SPRYD4: variants seen among roughly 807,000 people sequenced by gnomAD.
SPRYD4 encodes SPRY domain containing 4.
SPRYD4 carries 12 observed loss-of-function variants against 16.6 expected under a neutral mutation model. That is an observed-to-expected ratio of 0.72 (90% CI 0.46 to 1.17). The LOEUF (loss-of-function observed/expected upper bound fraction) is 1.17, where lower values mean the gene tolerates loss of function less well. Ranked by LOEUF, SPRYD4 falls within the 50% of genes most tolerant of loss-of-function variation. The pLI, the probability that SPRYD4 is intolerant of heterozygous loss-of-function variation, is 0.00. For missense variants in SPRYD4, 260 were observed against 260.2 expected, an observed-to-expected ratio of 1.00 and a Z score of 0.00; for synonymous variants, 98 against 105.4, an observed-to-expected ratio of 0.93 and a Z score of 0.43.
Position 56,475,810 on chromosome 12 carries a change from C to T in SPRYD4, c.*6233C>T. On this transcript the variant is annotated 3_prime_UTR_variant, in exon 2 of 2. Coordinates refer to ENST00000338146, the MANE Select transcript of SPRYD4 (RefSeq NM_207344.4). ...TTTCCTCTCTGAGGCCAGCAGATTT[C>T]CACATTTCTGGAAATAAGGCTTCTA... The T allele has an allele frequency of 1.4e-6, 2 of 1,408,532 alleles. No individual in the cohort carries two copies. Among genetic ancestry groups the T allele is most frequent in the Non-Finnish European group, 2.0e-6 (2 of 998,072 alleles). The allele number at this position is 1,408,532 out of a possible 1,614,324, so 87.3% of individuals were successfully genotyped here. A position where few individuals can be genotyped will look rare whatever the true frequency, so the allele number is the denominator to read the frequency against.
In SPRYD4 at chr12:56,475,650, A is replaced by G. The variant is rs756711965; in HGVS notation, c.*6073A>G. The G allele has an allele frequency of 2.6e-5, 42 of 1,614,070 alleles. No individual in the cohort carries two copies. The Middle Eastern group carries it at 6.6e-4, about 25-fold the overall frequency. On this transcript the variant is annotated 3_prime_UTR_variant, in exon 2 of 2. Transcript: ENST00000338146. ...TGGCATTGCTGAAACCCATGTATTC[A>G]TTCCCAGCCATTTTGTTGAGATACT...
intron 1 of SPRYD4, 107 bp from the exon 2 acceptor site, chr12:56,468,932 T>C: frequency 7.2e-7 from 1 of 1,392,034 alleles, no homozygotes; most frequent in Non-Finnish European, 9.7e-7. Context: ...ATTCTGACTC[T>C]TCCCTAGTTG....
chr12:56,468,902 G>A (rs1202756516), intron 1 of SPRYD4, 137 bp from the exon 2 acceptor site: 2 of 1,220,138 alleles, frequency 1.6e-6, no homozygotes, highest in Non-Finnish European at 2.2e-6. Context: ...GCGACCTCGC[G>A]ACTCTCTTGC....
rs1233807353 is a variant in SPRYD4, at chr12:56,479,475, A to T, written c.*9898A>T. 7.8e-6 allele frequency: 3 copies of T among 385,016 alleles called. No homozygotes were observed. The highest frequency in any genetic ancestry group is 6.2e-5 in the African/African-American group (3 of 48,486). 23.8% of individuals were successfully genotyped at this position (385,016 alleles called of 1,614,324 possible). On this transcript the variant is annotated 3_prime_UTR_variant, in exon 2 of 2. Coordinates refer to ENST00000338146, the MANE Select transcript of SPRYD4 (RefSeq NM_207344.4). ...TATTTAAAAAATCCTAAATCATAAA[A>T]GTATATTTATATATATTCATGTATG...
At position 56,469,173 on chromosome 12, in the gene SPRYD4, T is replaced by C; in HGVS notation, c.220T>C (p.Trp74Arg). 6.2e-7 allele frequency: 1 copy of C among 1,613,360 alleles called. No homozygotes were observed. The highest frequency in any genetic ancestry group is 8.5e-7 in the Non-Finnish European group (1 of 1,179,868). Reference sequence around the variant, plus strand: ...CTTGAATGTGGAGCGCTTCCGGGAGTGGGCAGTGGTGCTGGCAGACACAGC... The same window carrying C: ...CTTGAATGTGGAGCGCTTCCGGGAGCGGGCAGTGGTGCTGGCAGACACAGC... Reference protein sequence around the residue: ...VALNVERFREWAVVLADTAVT... With the variant: ...VALNVERFRERAVVLADTAVT... The change falls in exon 2 of 2, where the codon TGG (tryptophan) becomes CGG (arginine). Residue 74 changes from tryptophan (W) to arginine (R), a missense_variant. Trp to Arg is a moderately radical substitution (Grantham distance 101). Transcript: ENST00000338146.
Position 56,469,789 on chromosome 12 carries a change from C to G in SPRYD4, c.*212C>G. The G allele has an allele frequency of 1.7e-6, 1 of 580,416 alleles. No individual in the cohort carries two copies. The allele number at this position is 580,416 out of a possible 1,614,324, so 36.0% of individuals were successfully genotyped here. ...CTTTTCCCCACCCACCAACTACTGC[C>G]AATTTCCTAGGCTACCATGGGTGTA... On this transcript the variant is annotated 3_prime_UTR_variant, in exon 2 of 2. Coordinates refer to ENST00000338146, the MANE Select transcript of SPRYD4 (RefSeq NM_207344.4).
Position 56,478,307 on chromosome 12 carries a change from A to T in SPRYD4, c.*8730A>T, listed in dbSNP as rs372998043. On this transcript the variant is annotated 3_prime_UTR_variant, in exon 2 of 2. Coordinates refer to ENST00000338146, the MANE Select transcript of SPRYD4 (RefSeq NM_207344.4). ...GAAAAGGGAGATGGATGTGGAGAAGAGGAACAGAGTTGAGGTTGAGGGTCA... is the reference window on the plus strand; with the variant it reads ...GAAAAGGGAGATGGATGTGGAGAAGTGGAACAGAGTTGAGGTTGAGGGTCA... 1.1e-5 allele frequency: 17 copies of T among 1,587,462 alleles called. No individual in the cohort carries two copies. Among genetic ancestry groups the T allele is most frequent in the Non-Finnish European group, 1.4e-5 (16 of 1,156,060 alleles).
Position 56,474,354 on chromosome 12 carries a change from C to T in SPRYD4, c.*4777C>T. 1 of 680,178 alleles carries T rather than the reference C, an allele frequency of 1.5e-6. No individual in the cohort carries two copies. The highest frequency in any genetic ancestry group is 2.4e-6 in the Non-Finnish European group (1 of 411,086). The allele number at this position is 680,178 out of a possible 1,614,324, so 42.1% of individuals were successfully genotyped here. On this transcript the variant is annotated 3_prime_UTR_variant, in exon 2 of 2. Transcript: ENST00000338146. ...TCCACCTGCCTCGGCCTCCCAAAGA[C>T]ATCTCTTTATATATTCGAGGAACTT...
rs756255446 is a variant in SPRYD4, at chr12:56,474,497, C to G, written c.*4920C>G. 6.2e-7 allele frequency: 1 copy of G among 1,608,704 alleles called. No individual in the cohort carries two copies. The highest frequency in any genetic ancestry group is 8.5e-7 in the Non-Finnish European group (1 of 1,178,394). The stretch of plus-strand genomic sequence containing the variant: ...CTTGAGAGAGTCAGTGTTCTCTCTT[C>G]TTAGCACTGGGCTCATGACAGATGG... On this transcript the variant is annotated 3_prime_UTR_variant, in exon 2 of 2. Coordinates refer to ENST00000338146, the MANE Select transcript of SPRYD4 (RefSeq NM_207344.4).
In SPRYD4 at chr12:56,469,161, C is replaced by T; in HGVS notation, c.208C>T (p.Arg70Cys). The change falls in exon 2 of 2, where the codon CGC becomes TGC. Residue 70 changes from arginine to cysteine, a missense_variant. Physicochemically the swap from Arg to Cys is radical, Grantham distance 180. Transcript: ENST00000338146. ...EPTKVALNVE[R>C]FREWAVVLAD... ...CACCAAGGTGGCCTTGAATGTGGAG[C>T]GCTTCCGGGAGTGGGCAGTGGTGCT... 6.2e-7 allele frequency: 1 copy of T among 1,614,080 alleles called. No homozygotes were observed. Among genetic ancestry groups the T allele is most frequent in the Non-Finnish European group, 8.5e-7 (1 of 1,180,028 alleles).
In SPRYD4 at chr12:56,471,871, C is replaced by T; in HGVS notation, c.*2294C>T. 1 of 1,605,446 alleles carries T rather than the reference C, an allele frequency of 6.2e-7. No homozygotes were observed. The highest frequency in any genetic ancestry group is 1.1e-5 in the South Asian group (1 of 90,690). ...TGGGCAGAAGGAAAATGAGAAGGCG[C>T]AGGTCTTGAACCCTTTGGTGCAGAC... On this transcript the variant is annotated 3_prime_UTR_variant, in exon 2 of 2. Coordinates refer to ENST00000338146, the MANE Select transcript of SPRYD4 (RefSeq NM_207344.4).
At position 56,478,751 on chromosome 12, in the gene SPRYD4, G is replaced by C. The variant is rs980338749; in HGVS notation, c.*9174G>C. ...CTCATGCCTGTAATCCCAGCACTTT[G>C]GGAGGCCGAGGTGGGTGGATCACTT... is the stretch of plus-strand genomic sequence containing the variant. On this transcript the variant is annotated 3_prime_UTR_variant, in exon 2 of 2. Coordinates refer to ENST00000338146, the MANE Select transcript of SPRYD4 (RefSeq NM_207344.4). The C allele has an allele frequency of 8.3e-5, 24 of 290,674 alleles. No individual in the cohort carries two copies. Among genetic ancestry groups the C allele is most frequent in the Non-Finnish European group, 1.4e-4 (22 of 153,850 alleles). 18.0% of individuals were successfully genotyped at this position (290,674 alleles called of 1,614,324 possible).
Position 56,474,730 on chromosome 12 carries a change from C to G in SPRYD4, c.*5153C>G. The G allele has an allele frequency of 6.2e-7, 1 of 1,608,016 alleles. No homozygotes were observed. The highest frequency in any genetic ancestry group is 8.5e-7 in the Non-Finnish European group (1 of 1,176,146). On this transcript the variant is annotated 3_prime_UTR_variant, in exon 2 of 2. Transcript: ENST00000338146. Reference sequence around the variant, plus strand: ...CCTCCACAGAACACAGCTATGAAAACAAAGAATAGGTGAAGATGTGACGTG... The same window carrying G: ...CCTCCACAGAACACAGCTATGAAAAGAAAGAATAGGTGAAGATGTGACGTG...
In SPRYD4 at chr12:56,470,171, C is replaced by G. The variant is rs574511029; in HGVS notation, c.*594C>G. On this transcript the variant is annotated 3_prime_UTR_variant, in exon 2 of 2. Coordinates refer to ENST00000338146, the MANE Select transcript of SPRYD4 (RefSeq NM_207344.4). ...TAGCTCAGTGCCACAGACCTTCAGC[C>G]CCACACAGCTGTAGCTATCCTTACC... 2 of 156,348 alleles carry G rather than the reference C, an allele frequency of 1.3e-5. No individual in the cohort carries two copies. Among genetic ancestry groups the G allele is most frequent in the East Asian group, 3.8e-4 (2 of 5,258 alleles). 9.7% of individuals were successfully genotyped at this position (156,348 alleles called of 1,614,324 possible). A position where few individuals can be genotyped will look rare whatever the true frequency, so the allele number is the denominator to read the frequency against.
At position 56,478,174 on chromosome 12, in the gene SPRYD4, G is replaced by A. The variant is rs1246317027; in HGVS notation, c.*8597G>A. On this transcript the variant is annotated 3_prime_UTR_variant, in exon 2 of 2. Coordinates refer to ENST00000338146, the MANE Select transcript of SPRYD4 (RefSeq NM_207344.4). ...CCCTGCCTCCCCTTCCTCTTGCCCA[G>A]CATCTCACCGTTGACCATCCACAGT... 3.7e-6 allele frequency: 6 copies of A among 1,614,100 alleles called. No individual in the cohort carries two copies. Among genetic ancestry groups the A allele is most frequent in the Non-Finnish European group, 4.2e-6 (5 of 1,180,044 alleles).
rs1869568939 is a variant in SPRYD4, at chr12:56,474,114, TG to T, written c.*4539del. ...TTTCTTTTTTTCTTTTTTTTTGAGA[TG>T]GAGTTTTGCTCTTGTTGCCCAGGCT... On this transcript the variant is annotated 3_prime_UTR_variant, in exon 2 of 2. Transcript: ENST00000338146. The T allele has an allele frequency of 6.2e-6, 1 of 160,242 alleles. No homozygotes were observed. Among genetic ancestry groups the T allele is most frequent in the East Asian group, 1.9e-4 (1 of 5,366 alleles). The allele number at this position is 160,242 out of a possible 1,614,324, so 9.9% of individuals were successfully genotyped here. A position where few individuals can be genotyped will look rare whatever the true frequency, so the allele number is the denominator to read the frequency against.
rs145217220 is a variant in SPRYD4 at position 56,471,290 on chromosome 12, G to A, written c.*1713G>A. 6.9e-4 allele frequency: 397 copies of A among 572,746 alleles called. 1 individual carries two copies. Among genetic ancestry groups the A allele is most frequent in the African/African-American group, 5.3e-3 (286 of 53,476 alleles). The allele number at this position is 572,746 out of a possible 1,614,324, so 35.5% of individuals were successfully genotyped here. A position where few individuals can be genotyped will look rare whatever the true frequency, so the allele number is the denominator to read the frequency against. Reference sequence around the variant, plus strand: ...GATAGCTGTACTGCAGGTGTCCTCTGAGGCCCTTCTCTGTACTCTGTCTGC... The same window carrying A: ...GATAGCTGTACTGCAGGTGTCCTCTAAGGCCCTTCTCTGTACTCTGTCTGC... On this transcript the variant is annotated 3_prime_UTR_variant, in exon 2 of 2. Transcript: ENST00000338146.
Position 56,471,655 on chromosome 12 carries a change from AATG to A in SPRYD4, c.*2081_*2083del, listed in dbSNP as rs1373692359. The A allele has an allele frequency of 3.1e-6, 5 of 1,613,906 alleles. No individual in the cohort carries two copies. The highest frequency in any genetic ancestry group is 2.2e-5 in the South Asian group (2 of 91,064). On this transcript the variant is annotated 3_prime_UTR_variant, in exon 2 of 2. Coordinates refer to ENST00000338146, the MANE Select transcript of SPRYD4 (RefSeq NM_207344.4). ...GAATGTTGCCCCACCTGAGAGGAAT[AATG>A]ATATGATCAGGCAAAGGAGACGTGG...
chr12:56,469,757 A>G lies in SPRYD4; in HGVS notation c.*180A>G. Reference sequence around the variant, plus strand: ...CTTGTGAAAGCTAGGCATACAGCCAAACCCTCCTTTTCCCCACCCACCAAC... The same window carrying G: ...CTTGTGAAAGCTAGGCATACAGCCAGACCCTCCTTTTCCCCACCCACCAAC... On this transcript the variant is annotated 3_prime_UTR_variant, in exon 2 of 2. Coordinates refer to ENST00000338146, the MANE Select transcript of SPRYD4 (RefSeq NM_207344.4). The G allele has an allele frequency of 1.6e-6, 1 of 640,874 alleles. No homozygotes were observed. Among genetic ancestry groups the G allele is most frequent in the South Asian group, 2.1e-5 (1 of 47,850 alleles). 39.7% of individuals were successfully genotyped at this position (640,874 alleles called of 1,614,324 possible). A position where few individuals can be genotyped will look rare whatever the true frequency, so the allele number is the denominator to read the frequency against.
Sources: allele counts gnomAD v4.1 joint callset, GRCh38; gene constraint gnomAD v4.1.1; transcripts MANE v1.5; gene names NCBI Gene and HGNC (gene_info 2026-07-23, HGNC 2026-07-21).